The following NUP210 variants were observed in gnomAD, a reference collection of about 807,000 sequenced individuals.
NUP210 encodes nucleoporin 210.
In NUP210, 151 loss-of-function variants were observed where a neutral mutation model predicts 196.0. That is an observed-to-expected ratio of 0.77 (90% CI 0.67 to 0.88). NUP210 has a LOEUF of 0.88. Ranked by LOEUF, NUP210 falls within the 40% of genes least tolerant of loss-of-function variation. The pLI, the probability that NUP210 is intolerant of heterozygous loss-of-function variation, is 0.00. For synonymous variants in NUP210, 1,070 were observed against 1,052.7 expected (o/e 1.02, Z -0.32); for missense variants, 2,314 against 2,493.7 (o/e 0.93, Z 1.53).
chr3:13,400,896 C>T (rs1166084533), intron 1 of NUP210, among the ~76,000 whole-genome samples: 1 of 151,340 alleles, frequency 6.6e-6, no homozygotes, highest in Non-Finnish European at 1.5e-5. Flanking sequence ...TTTGCCTAAA[C>T]TCACTGGAAC....
chr3:13,396,789 C>T (rs938950421), intron 3 of NUP210, among the ~76,000 whole-genome samples: 3 of 150,510 alleles, frequency 2.0e-5, no homozygotes, highest in Non-Finnish European at 4.4e-5. Context: ...AAAAGTTTCC[C>T]TTACTTCCTT....
Position 13,347,197 on chromosome 3 carries a change from C to T in NUP210, c.2836-3894G>A. On this transcript the variant is annotated intron_variant, in intron 20 of 39. Transcript: ENST00000254508. The surrounding 1 kb of genome is among the most constrained non-coding windows in gnomAD (Gnocchi z 4.7). The stretch of plus-strand genomic sequence containing the variant: ...GATGGAGAGACACAGCTGCGGCTCA[C>T]AGGAGCTGGGCCCCCCGGCTTCATT... 27 of 985,420 alleles carry T rather than the reference C, an allele frequency of 2.7e-5. No individual in the cohort carries two copies. The highest frequency in any genetic ancestry group is 3.3e-5 in the Non-Finnish European group (27 of 829,930). 61.0% of individuals were successfully genotyped at this position (985,420 alleles called of 1,614,324 possible).
In NUP210 at chr3:13,391,284, C is replaced by T. The variant is rs750936280; in HGVS notation, c.460G>A (p.Gly154Arg). ...SEGNTFSTLA[G>R]LVFEWTIVKD... The stretch of plus-strand genomic sequence containing the variant: ...ACAATCGTCCACTCGAAGACCAGTC[C>T]AGCCAGAGTGCTGAAGGTGTTCCCT... The change falls in exon 4 of 40, where the codon GGA becomes AGA. Residue 154 changes from glycine to arginine, a missense_variant. Transcript: ENST00000254508. 3 of 1,611,382 alleles carry T rather than the reference C, an allele frequency of 1.9e-6. No homozygotes were observed. Among genetic ancestry groups the T allele is most frequent in the Admixed American group, 3.3e-5 (2 of 59,818 alleles).
At position 13,337,175 on chromosome 3, in the gene NUP210, C is replaced by A. The variant is rs372009569; in HGVS notation, c.3553-257G>T. The A allele has an allele frequency of 3.3e-5, 13 of 396,626 alleles. No homozygotes were observed. In the East Asian group the frequency reaches 6.4e-4, roughly 19 times the overall value. 24.6% of individuals were successfully genotyped at this position (396,626 alleles called of 1,614,324 possible). A position where few individuals can be genotyped will look rare whatever the true frequency, so the allele number is the denominator to read the frequency against. ...CAAGATACTCATTTCCGGAAGGAGT[C>A]CCTGGAGCTCTAGGAGGCCATGGGT... On this transcript the variant is annotated intron_variant, in intron 26 of 39. Coordinates refer to ENST00000254508, the MANE Select transcript of NUP210 (RefSeq NM_024923.4).
chr3:13,337,138 C>T (rs1311771318), intron 26 of NUP210: 2 of 451,824 alleles, frequency 4.4e-6, no homozygotes, highest in East Asian at 9.4e-5. Context: ...GCGGGCTGCA[C>T]CTCTCCATGG....
At chr3:13,402,657 A>G (rs763818934) in intron 1 of NUP210, among the ~76,000 whole-genome samples, 5 of 152,172 alleles carry the variant, frequency 3.3e-5, no homozygotes, top group African/African-American at 4.8e-5. Flanking sequence ...CAAGCCTGAG[A>G]TAGCCCTGCA....
Position 13,373,934 on chromosome 3 carries a change from A to C in NUP210, c.1432-61T>G, listed in dbSNP as rs546746370. The C allele has an allele frequency of 2.8e-5, 44 of 1,584,738 alleles. No homozygotes were observed. The East Asian group carries it at 9.7e-4, about 35-fold the overall frequency. On this transcript the variant is annotated intron_variant, in intron 11 of 39. Transcript: ENST00000254508. ...ACCCTTAGCCTGCTGGGGAAGTCAG[A>C]GGGTCAGAGACACGTGCGTGTGCAT...
At chr3:13,317,998 C>T (rs907965043) in intron 39 of NUP210, among the ~76,000 whole-genome samples, 4 of 152,158 alleles carry the variant, frequency 2.6e-5, no homozygotes, top group Admixed American at 1.3e-4. Flanking sequence ...CACCCAGGAG[C>T]GCAGAGCCTT....
At chr3:13,366,138 CTT>C in intron 13 of NUP210, 47 bp from the exon 14 acceptor site, 1 of 1,584,588 alleles carries the variant, frequency 6.3e-7, no homozygotes. Flanking sequence ...TCACTTTTTT[CTT>C]TTTTTTGAGA....
Position 13,379,011 on chromosome 3 carries a change from G to A in NUP210, c.977-31C>T. On this transcript the variant is annotated intron_variant, in intron 7 of 39. Transcript: ENST00000254508. This position sits in a 1 kb window ranked among gnomAD's most constrained non-coding sequence, Gnocchi z 4.2. The stretch of plus-strand genomic sequence containing the variant: ...TTTTGAATTAAGGGGCAAGACATAT[G>A]ACAGCAAATAAACCAGCTGGCTGGC... 1.9e-6 allele frequency: 3 copies of A among 1,589,654 alleles called. No homozygotes were observed. The highest frequency in any genetic ancestry group is 2.6e-6 in the Non-Finnish European group (3 of 1,157,808).
intron 14 of NUP210, among the ~76,000 whole-genome samples, chr3:13,361,996 C>G (rs888241440): frequency 1.1e-4 from 16 of 152,304 alleles, no homozygotes; most frequent in African/African-American, 3.6e-4. Flanking sequence ...CCTCCCCAAC[C>G]CAGCCCCAAC....
At chr3:13,358,176 A>C (rs1003276153) in intron 16 of NUP210, 46 bp downstream of exon 16, 1 of 1,551,134 alleles carries the variant, frequency 6.4e-7, no homozygotes, top group Non-Finnish European at 8.8e-7. Flanking sequence ...CCTCCTGCCC[A>C]AGCGGGTGGC....
At chr3:13,392,359 C>T (rs1237015252) in intron 3 of NUP210, among the ~76,000 whole-genome samples, 1 of 152,218 alleles carries the variant, frequency 6.6e-6, no homozygotes, top group South Asian at 2.1e-4. Flanking sequence ...CCCTGGGTGT[C>T]TTTCCGTCAA....
intron 1 of NUP210, among the ~76,000 whole-genome samples, chr3:13,416,043 T>G (rs1700338559): frequency 6.6e-6 from 1 of 152,118 alleles, no homozygotes; most frequent in Non-Finnish European, 1.5e-5. Context: ...GGGTACAGCA[T>G]GCCCCAAGGC....
At chr3:13,400,001 C>G (rs959419202) in intron 1 of NUP210, 140 bp from the exon 2 acceptor site, 3 of 990,950 alleles carry the variant, frequency 3.0e-6, no homozygotes, top group Middle Eastern at 3.4e-4. Flanking sequence ...CTAACACCAG[C>G]TTCAAACCCA....
chr3:13,346,194 A>G (rs1378064494), intron 20 of NUP210, among the ~76,000 whole-genome samples: 4 of 152,222 alleles, frequency 2.6e-5, no homozygotes, highest in Non-Finnish European at 5.9e-5. Context: ...GCTGGTGCAC[A>G]GCAGCTAAAT....
Position 13,376,443 on chromosome 3 carries a change from G to C in NUP210, c.1153-12C>G, listed in dbSNP as rs773383964. ...TCAATTCGGATGTTCTGGAAGGTGA[G>C]GCAGGACAGGAGAGAGGTGCTTCTG... On this transcript the variant is annotated splice_polypyrimidine_tract_variant and intron_variant, in intron 9 of 39. Coordinates refer to ENST00000254508, the MANE Select transcript of NUP210 (RefSeq NM_024923.4). 3 of 1,614,112 alleles carry C rather than the reference G, an allele frequency of 1.9e-6. No individual in the cohort carries two copies. In the South Asian group the frequency reaches 3.3e-5, roughly 18 times the overall value.
intron 1 of NUP210, among the ~76,000 whole-genome samples, chr3:13,403,570 A>C (rs548389109): frequency 4.6e-5 from 7 of 152,266 alleles, no homozygotes; most frequent in African/African-American, 1.7e-4. Flanking sequence ...GAGTGGTTCC[A>C]ATGCTGGCCT....
intron 34 of NUP210, 86 bp from the exon 35 acceptor site, chr3:13,322,425 C>T (rs1576340011): frequency 2.1e-5 from 30 of 1,451,198 alleles, no homozygotes; most frequent in Non-Finnish European, 2.7e-5. Flanking sequence ...GCTGGCTGGG[C>T]TGCAAATGCC....
Sources: gnomAD v4.1 joint callset for allele counts (sites outside exome capture counted in the v4.1 genomes callset) on GRCh38, gnomAD v4.1.1 for gene constraint, Gnocchi (gnomAD v3.1) non-coding constraint, MANE v1.5 for transcripts, NCBI Gene and HGNC (gene_info 2026-07-23, HGNC 2026-07-21) for gene names.